The following SCML4 variants were observed in gnomAD, a reference collection of about 807,000 sequenced individuals.
SCML4 encodes sex comb on midleg-like protein 4.
In SCML4, 34 loss-of-function variants were observed where a neutral mutation model predicts 41.1. The ratio of observed to expected loss-of-function variants is 0.83; its 90% CI spans 0.63 to 1.10. SCML4 has a LOEUF of 1.10. Ranked by LOEUF, SCML4 falls within the 50% of genes least tolerant of loss-of-function variation. The probability of loss-of-function intolerance (pLI) is 0.00; values close to 1 mark genes in which losing one functional copy is unlikely to be tolerated. For synonymous variants in SCML4, 214 were observed against 220.9 expected (o/e 0.97, Z 0.28); for missense variants, 522 against 534.1 (o/e 0.98, Z 0.22).
Position 107,781,074 on chromosome 6 carries a change from G to A in SCML4, c.-59-8688C>T, listed in dbSNP as rs1781451416. 2.6e-5 allele frequency among the ~76,000 whole-genome samples: 4 copies of A among 152,222 alleles called. No homozygotes were observed. The South Asian group carries it at 8.3e-4, about 32-fold the overall frequency. Reference sequence around the variant, plus strand: ...AAAGTGATTTAGGCGATTTTAGTAAGTATAGGAGAGCTTACGTATAGGTAT... The same window carrying A: ...AAAGTGATTTAGGCGATTTTAGTAAATATAGGAGAGCTTACGTATAGGTAT... On this transcript the variant is annotated intron_variant, in intron 1 of 7. Transcript: ENST00000369020.
At chr6:107,803,459 G>A (rs1341744068) in intron 1 of SCML4, among the ~76,000 whole-genome samples, 1 of 117,796 alleles carries the variant, frequency 8.5e-6, no homozygotes, top group Non-Finnish European at 1.8e-5. Flanking sequence ...CCAGCCGCCC[G>A]GTCCGGGAGG....
At chr6:107,782,151 G>C (rs1781552567) in intron 1 of SCML4, among the ~76,000 whole-genome samples, 1 of 152,228 alleles carries the variant, frequency 6.6e-6, no homozygotes, top group African/African-American at 2.4e-5. Context: ...ACCCATTCCA[G>C]CCTGCAGGAT....
chr6:107,807,507 T>C (rs1387013319), intron 1 of SCML4, among the ~76,000 whole-genome samples: 6 of 152,250 alleles, frequency 3.9e-5, no homozygotes, highest in Admixed American at 1.3e-4. Flanking sequence ...CTAATTAAAA[T>C]GCCTACAGTC....
At chr6:107,794,818 T>C (rs558659159) in intron 1 of SCML4, among the ~76,000 whole-genome samples, 51 of 152,342 alleles carry the variant, frequency 3.3e-4, no homozygotes, top group African/African-American at 1.2e-3. Context: ...GATTGATTCC[T>C]TCTTGGGGCA....
chr6:107,752,186 TA>T (rs1778751302), intron 2 of SCML4, among the ~76,000 whole-genome samples: 1 of 152,118 alleles, frequency 6.6e-6, no homozygotes, highest in Non-Finnish European at 1.5e-5. Context: ...AGGAGGGCTC[TA>T]GGTGGAGTAG....
rs1773374601 is a variant in SCML4 at position 107,703,874 on chromosome 6, T to C, written c.*1326A>G. ...GAATATGCACATGGCAAAGGCGAAT[T>C]CATTTTGAAGATATGTTTTCTGCTC... On this transcript the variant is annotated 3_prime_UTR_variant, in exon 8 of 8. Coordinates refer to ENST00000369020, the MANE Select transcript of SCML4 (RefSeq NM_198081.5). 6.6e-6 allele frequency among the ~76,000 whole-genome samples: 1 copy of C among 152,210 alleles called. No homozygotes were observed. Among genetic ancestry groups the C allele is most frequent in the Non-Finnish European group, 1.5e-5 (1 of 68,034 alleles).
chr6:107,808,812 C>A (rs1783939667), intron 1 of SCML4, among the ~76,000 whole-genome samples: 1 of 152,064 alleles, frequency 6.6e-6, no homozygotes, highest in Non-Finnish European at 1.5e-5. Flanking sequence ...GATGTGTACT[C>A]AAGAATATTT....
chr6:107,833,635 G>A, the SCML4 span, among the ~76,000 whole-genome samples: 1 of 152,122 alleles, frequency 6.6e-6, no homozygotes, highest in Admixed American at 6.5e-5. Context: ...GAGTTTGGAG[G>A]ACTCTCCGGA....
At chr6:107,799,896 A>G (rs1782975144) in intron 1 of SCML4, among the ~76,000 whole-genome samples, 1 of 149,966 alleles carries the variant, frequency 6.7e-6, no homozygotes, top group East Asian at 1.9e-4. Context: ...TATTTAACAT[A>G]TTTAAAATAG....
chr6:107,757,110 CA>C (rs1343475984), intron 2 of SCML4, among the ~76,000 whole-genome samples: 1 of 152,180 alleles, frequency 6.6e-6, no homozygotes, highest in Non-Finnish European at 1.5e-5. Flanking sequence ...GAGTCTCCAC[CA>C]GGGGGGCTGG....
the SCML4 span, among the ~76,000 whole-genome samples, chr6:107,838,171 G>T: frequency 6.6e-6 from 1 of 152,134 alleles, no homozygotes; most frequent in Non-Finnish European, 1.5e-5. Context: ...GCCTCCCAAA[G>T]TTCTGGGATT....
chr6:107,830,946 A>T, the SCML4 span, among the ~76,000 whole-genome samples: 1 of 152,196 alleles, frequency 6.6e-6, no homozygotes, highest in Non-Finnish European at 1.5e-5. Context: ...AGGAGAAACA[A>T]ACCCAGTGTA....
At chr6:107,743,100 G>C (rs538765213) in intron 5 of SCML4, among the ~76,000 whole-genome samples, 1 of 152,106 alleles carries the variant, frequency 6.6e-6, no homozygotes, top group Admixed American at 6.6e-5. Context: ...ATTCTTGTCT[G>C]TGTGATCTGA....
chr6:107,762,520 T>C (rs1419169419), intron 2 of SCML4, among the ~76,000 whole-genome samples: 3 of 152,178 alleles, frequency 2.0e-5, no homozygotes, highest in Non-Finnish European at 4.4e-5. Context: ...TATTTGAAAA[T>C]ACAGTCTTTG....
At chr6:107,768,142 G>A (rs547070663) in intron 2 of SCML4, among the ~76,000 whole-genome samples, 3 of 151,696 alleles carry the variant, frequency 2.0e-5, no homozygotes, top group South Asian at 2.1e-4. Flanking sequence ...GCATGGTGAC[G>A]TGCATCTGTA....
intron 6 of SCML4, among the ~76,000 whole-genome samples, chr6:107,712,022 G>A (rs966182469): frequency 7.2e-5 from 11 of 152,088 alleles, no homozygotes; most frequent in Admixed American, 2.0e-4. Context: ...CCCATAAGGT[G>A]GTTTGGCACG....
chr6:107,837,462 C>T, the SCML4 span, among the ~76,000 whole-genome samples: 1 of 152,168 alleles, frequency 6.6e-6, no homozygotes, highest in African/African-American at 2.4e-5. Flanking sequence ...AATCACTTCA[C>T]CTTCACCTCG....
the SCML4 span, among the ~76,000 whole-genome samples, chr6:107,840,641 T>C: frequency 6.6e-6 from 1 of 152,186 alleles, no homozygotes; most frequent in African/African-American, 2.4e-5. Context: ...ATATGTTACA[T>C]AGTGATAACT....
chr6:107,746,475 G>A (rs191921682), intron 4 of SCML4: 60 of 482,102 alleles, frequency 1.2e-4, no homozygotes, highest in African/African-American at 1.1e-3. Flanking sequence ...GTCAAGATGA[G>A]GATCAGAAAT....
Sources: gnomAD v4.1 joint callset for allele counts (sites outside exome capture counted in the v4.1 genomes callset) on GRCh38, gnomAD v4.1.1 for gene constraint, MANE v1.5 for transcripts, NCBI Gene and HGNC (gene_info 2026-07-23, HGNC 2026-07-21) for gene names.